The following FHIT variants were observed in gnomAD, a reference collection of about 807,000 sequenced individuals.
FHIT encodes the protein bis(5'-adenosyl)-triphosphatase.
A neutral mutation model predicts 17.9 loss-of-function variants in FHIT; 19 were observed. That is an observed-to-expected ratio of 1.06 (90% CI 0.74 to 1.56). FHIT has a LOEUF of 1.56. Ranked by LOEUF, FHIT falls within the 40% of genes most tolerant of loss-of-function variation. FHIT has a pLI of 0.00. For synonymous variants in FHIT, 81 were observed against 69.7 expected (o/e 1.16, Z -0.81); for missense variants, 248 against 189.2 (o/e 1.31, Z -1.82).
chr3:61,158,731 AGGAT>A (rs1268655180), intron 2 of FHIT, among the ~76,000 whole-genome samples: 3 of 152,246 alleles, frequency 2.0e-5, no homozygotes, highest in Non-Finnish European at 2.9e-5. Flanking sequence ...CTACAGCAAT[AGGAT>A]CTACAAGAAC....
chr3:60,646,784 A>C (rs1427003356), intron 4 of FHIT, among the ~76,000 whole-genome samples: 5 of 152,212 alleles, frequency 3.3e-5, no homozygotes, highest in African/African-American at 1.2e-4. Flanking sequence ...GCAAAACTGT[A>C]AAGTAACTGA....
intron 4 of FHIT, among the ~76,000 whole-genome samples, chr3:60,639,274 T>A (rs2107788153): frequency 6.6e-6 from 1 of 152,086 alleles, no homozygotes; most frequent in Non-Finnish European, 1.5e-5. Context: ...CTTGAGGGAC[T>A]AAGATTTGTG....
At chr3:60,835,053 C>G (rs1702486106) in intron 3 of FHIT, among the ~76,000 whole-genome samples, 1 of 152,052 alleles carries the variant, frequency 6.6e-6, no homozygotes, top group Non-Finnish European at 1.5e-5. Context: ...AATGCCTTCT[C>G]CTTCTAAAAG....
At chr3:60,457,306 A>C (rs2032165774) in intron 5 of FHIT, among the ~76,000 whole-genome samples, 1 of 152,304 alleles carries the variant, frequency 6.6e-6, no homozygotes, top group East Asian at 1.9e-4. Flanking sequence ...TCTTTGACAA[A>C]CCTGACAAAA....
chr3:60,711,237 A>C (rs1032030837), intron 4 of FHIT, among the ~76,000 whole-genome samples: 3 of 152,164 alleles, frequency 2.0e-5, no homozygotes, highest in East Asian at 1.9e-4. Flanking sequence ...GGAAAACTAA[A>C]AAACAGAAAG....
At chr3:60,932,748 G>T (rs1474282330) in intron 3 of FHIT, among the ~76,000 whole-genome samples, 1 of 152,032 alleles carries the variant, frequency 6.6e-6, no homozygotes, top group African/African-American at 2.4e-5. Flanking sequence ...TCAATCTTCT[G>T]TTCATTAAAC....
intron 4 of FHIT, among the ~76,000 whole-genome samples, chr3:60,667,021 ATTTTTTTTTT>A (rs56071877): frequency 1.5e-4 from 5 of 34,124 alleles, no homozygotes; most frequent in East Asian, 9.3e-4. Context: ...TGCCTGGTTA[ATTTTTTTTTT>A]TTTTTTTTTT....
chr3:61,203,039 G>A (rs1016049599), intron 1 of FHIT, among the ~76,000 whole-genome samples: 2 of 152,092 alleles, frequency 1.3e-5, no homozygotes, highest in African/African-American at 2.4e-5. Context: ...AATTAGATGG[G>A]TGTGGTACCA....
At chr3:60,130,482 G>A (rs560581433) in intron 5 of FHIT, among the ~76,000 whole-genome samples, 2 of 152,108 alleles carry the variant, frequency 1.3e-5, no homozygotes, top group South Asian at 4.1e-4. Context: ...ACACCTGATG[G>A]GATATGGATG....
intron 2 of FHIT, among the ~76,000 whole-genome samples, chr3:61,164,766 A>T (rs1485783070): frequency 1.3e-5 from 2 of 152,196 alleles, no homozygotes; most frequent in Admixed American, 6.5e-5. Context: ...ATAGTACTCA[A>T]CAGTTAGCTT....
At position 60,032,890 on chromosome 3, in the gene FHIT, C is replaced by CT. The variant is rs1262508863; in HGVS notation, c.104-18739dup. Among the ~76,000 whole-genome samples the CT allele has an allele frequency of 3.9e-5, 6 of 152,248 alleles. No individual in the cohort carries two copies. In the East Asian group the frequency reaches 7.7e-4, roughly 20 times the overall value. On this transcript the variant is annotated intron_variant, in intron 5 of 9. Coordinates refer to ENST00000492590, the MANE Select transcript of FHIT (RefSeq NM_002012.4). ...ATAATCAGCCACCTATAGCTAGCATCTACCCTGGAGCCCACCTTAGAGCTA... is the reference window on the plus strand; with the variant it reads ...ATAATCAGCCACCTATAGCTAGCATCTTACCCTGGAGCCCACCTTAGAGCTA...
At chr3:60,699,197 G>C (rs1716720) in intron 4 of FHIT, among the ~76,000 whole-genome samples, 1 of 152,146 alleles carries the variant, frequency 6.6e-6, no homozygotes, top group African/African-American at 2.4e-5. Flanking sequence ...TTCCACTACT[G>C]TAAACAAAAT....
At chr3:60,030,444 A>G (rs2106782327) in intron 5 of FHIT, among the ~76,000 whole-genome samples, 1 of 152,296 alleles carries the variant, frequency 6.6e-6, no homozygotes, top group Non-Finnish European at 1.5e-5. Context: ...CAGCATATGG[A>G]GCCCAGGTTA....
At chr3:60,141,768 C>A (rs1193686962) in intron 5 of FHIT, among the ~76,000 whole-genome samples, 1 of 152,140 alleles carries the variant, frequency 6.6e-6, no homozygotes, top group South Asian at 2.1e-4. Context: ...CGTTTACCAA[C>A]AAACTTCAGC....
At chr3:60,299,966 A>G (rs576954697) in intron 5 of FHIT, among the ~76,000 whole-genome samples, 1 of 152,228 alleles carries the variant, frequency 6.6e-6, no homozygotes, top group East Asian at 1.9e-4. Context: ...TACAGTGAGC[A>G]GGCTTTCGCT....
intron 4 of FHIT, among the ~76,000 whole-genome samples, chr3:60,568,642 C>G (rs565085799): frequency 7.2e-5 from 11 of 152,110 alleles, no homozygotes; most frequent in Admixed American, 2.0e-4. Context: ...AACTTCTAGA[C>G]TTCCCAACAC....
intron 4 of FHIT, among the ~76,000 whole-genome samples, chr3:60,733,418 TTTTA>T (rs2042072693): frequency 6.6e-6 from 1 of 152,206 alleles, no homozygotes; most frequent in African/African-American, 2.4e-5. Flanking sequence ...ACATCTGGTT[TTTTA>T]TTTGTGTGGT....
chr3:61,205,577 G>T (rs2039198102), intron 1 of FHIT, among the ~76,000 whole-genome samples: 1 of 152,144 alleles, frequency 6.6e-6, no homozygotes, highest in African/African-American at 2.4e-5. Context: ...GGCCAGTGAT[G>T]GTGAGCATTT....
At chr3:60,677,665 C>T (rs1553695742) in intron 4 of FHIT, among the ~76,000 whole-genome samples, 1 of 151,502 alleles carries the variant, frequency 6.6e-6, no homozygotes, top group African/African-American at 2.4e-5. Flanking sequence ...CATATGTATA[C>T]ACTTATATAC....
Sources: allele counts gnomAD v4.1 joint callset (sites outside exome capture counted in the v4.1 genomes callset), GRCh38; gene constraint gnomAD v4.1.1; transcripts MANE v1.5; gene names NCBI Gene and HGNC (gene_info 2026-07-23, HGNC 2026-07-21).